The following NFIB variants were observed in gnomAD, a reference collection of about 807,000 sequenced individuals.
The protein encoded by NFIB is nuclear factor I B.
NFIB carries 11 observed loss-of-function variants against 61.5 expected under a neutral mutation model. That is an observed-to-expected ratio of 0.18 (90% CI 0.11 to 0.30). The LOEUF is 0.30. Ranked by LOEUF, NFIB falls within the 10% of genes least tolerant of loss-of-function variation. NFIB has a pLI of 1.00. For synonymous variants in NFIB, 260 were observed against 216.5 expected (o/e 1.20, Z -1.76); for missense variants, 471 against 608.9 (o/e 0.77, Z 2.38).
In NFIB at chr9:14,159,085, T is replaced by TGA. The variant is rs374761833; in HGVS notation, c.617-3194_617-3193dup. On this transcript the variant is annotated intron_variant, in intron 3 of 10. Coordinates refer to ENST00000380953, the MANE Select transcript of NFIB (RefSeq NM_001190737.2). ...ATGACCATTAAGATGGAGTGGGGTGTGAGCCTGTTGGAAGCCAAATCATGA... is the reference window on the plus strand; with the variant it reads ...ATGACCATTAAGATGGAGTGGGGTGTGAGAGCCTGTTGGAAGCCAAATCATGA... 1.6e-3 allele frequency among the ~76,000 whole-genome samples: 244 copies of TGA among 152,304 alleles called. 3 individuals are homozygous for TGA. Among genetic ancestry groups the TGA allele is most frequent in the African/African-American group, 5.6e-3 (232 of 41,564 alleles).
intron 1 of NFIB, among the ~76,000 whole-genome samples, chr9:14,324,200 A>C (rs1193111938): frequency 6.6e-6 from 1 of 152,190 alleles, no homozygotes; most frequent in Non-Finnish European, 1.5e-5. Flanking sequence ...CACTCAGTTC[A>C]AGTGGGTAAC....
At chr9:14,356,754 A>C (rs2061180478) in intron 1 of NFIB, among the ~76,000 whole-genome samples, 1 of 152,164 alleles carries the variant, frequency 6.6e-6, no homozygotes, top group South Asian at 2.1e-4. Context: ...TGAGCACTTA[A>C]TTATGAATAA....
At chr9:14,416,851 T>G in the NFIB span, among the ~76,000 whole-genome samples, 1 of 151,066 alleles carries the variant, frequency 6.6e-6, no homozygotes, top group Non-Finnish European at 1.5e-5. Context: ...TCCTGCAAGC[T>G]CCATTCATGA....
At chr9:14,510,829 T>A in the NFIB span, among the ~76,000 whole-genome samples, 2 of 152,194 alleles carry the variant, frequency 1.3e-5, no homozygotes, top group African/African-American at 4.8e-5. Context: ...TGTGTTTTTT[T>A]ATGTTCTTAG....
At position 14,237,842 on chromosome 9, in the gene NFIB, A is replaced by AGTGTGTGTGTGTGTGTGT. The variant is rs200054648; in HGVS notation, c.563-58080_563-58063dup. On this transcript the variant is annotated intron_variant, in intron 2 of 10. Transcript: ENST00000380953. ...AGCTCCTCACCCTGCTAGGTATAACAGTGTGTGTGTGTGTGTGTGTGTGTG... is the reference window on the plus strand; with the variant it reads ...AGCTCCTCACCCTGCTAGGTATAACAGTGTGTGTGTGTGTGTGTGTGTGTGTGTGTGTGTGTGTGTGTG... Among the ~76,000 whole-genome samples the AGTGTGTGTGTGTGTGTGT allele has an allele frequency of 1.5e-3, 77 of 52,536 alleles. 9 individuals are homozygous for AGTGTGTGTGTGTGTGTGT. Among genetic ancestry groups the AGTGTGTGTGTGTGTGTGT allele is most frequent in the Non-Finnish European group, 1.6e-3 (46 of 28,590 alleles). The allele number at this position is 52,536 out of a possible 152,430, so 34.5% of individuals were successfully genotyped here. A position where few individuals can be genotyped will look rare whatever the true frequency, so the allele number is the denominator to read the frequency against.
chr9:14,366,768 G>T (rs1448799408), intron 1 of NFIB, among the ~76,000 whole-genome samples: 2 of 152,180 alleles, frequency 1.3e-5, no homozygotes, highest in Non-Finnish European at 2.9e-5. Context: ...ACAGGCATGA[G>T]CCACCGTGCC....
At chr9:14,201,348 T>C (rs968895188) in intron 2 of NFIB, among the ~76,000 whole-genome samples, 3 of 152,092 alleles carry the variant, frequency 2.0e-5, no homozygotes, top group Non-Finnish European at 2.9e-5. Context: ...ACCATCACCC[T>C]TTACCCTCCC....
At chr9:14,131,605 AT>A (rs1255446612) in intron 6 of NFIB, among the ~76,000 whole-genome samples, 1 of 152,220 alleles carries the variant, frequency 6.6e-6, no homozygotes. Context: ...CAAGGCAACA[AT>A]TTTGATCAAT....
rs182489432 is a variant in NFIB at position 14,182,202 on chromosome 9, G to C, written c.563-2422C>G. Among the ~76,000 whole-genome samples the C allele has an allele frequency of 3.9e-5, 6 of 152,254 alleles. No individual in the cohort carries two copies. The East Asian group carries it at 1.2e-3, about 29-fold the overall frequency. On this transcript the variant is annotated intron_variant, in intron 2 of 10. Transcript: ENST00000380953. ...CTTACTAAAAAAACCACAAGCATTTGAGGGAAAGCTGAAGTAGACCCTAAA... is the reference window on the plus strand; with the variant it reads ...CTTACTAAAAAAACCACAAGCATTTCAGGGAAAGCTGAAGTAGACCCTAAA...
At chr9:14,175,107 T>A (rs2046016304) in intron 3 of NFIB, among the ~76,000 whole-genome samples, 1 of 151,758 alleles carries the variant, frequency 6.6e-6, no homozygotes, top group Non-Finnish European at 1.5e-5. Context: ...TTGATTTCAG[T>A]ATCTATAAAA....
chr9:14,128,670 C>A (rs1202187236), intron 6 of NFIB, among the ~76,000 whole-genome samples: 2 of 149,308 alleles, frequency 1.3e-5, no homozygotes, highest in Admixed American at 6.7e-5. Context: ...TGCACTCCAG[C>A]CGCGACAAGA....
rs2038819942 is a variant in NFIB at position 14,120,774 on chromosome 9, C to G, written c.1061-150G>C. On this transcript the variant is annotated intron_variant, in intron 7 of 10. Coordinates refer to ENST00000380953, the MANE Select transcript of NFIB (RefSeq NM_001190737.2). The surrounding 1 kb of genome is among the most constrained non-coding windows in gnomAD (Gnocchi z 4.4). ...CCAAGCTCTCCTAAATCAACAGTTA[C>G]TTTTTCATTTTTATTCTCAACACCA... 6.7e-6 allele frequency: 5 copies of G among 751,798 alleles called. No individual in the cohort carries two copies. The highest frequency in any genetic ancestry group is 1.0e-5 in the Non-Finnish European group (5 of 477,824). 46.6% of individuals were successfully genotyped at this position (751,798 alleles called of 1,614,324 possible).
At chr9:14,241,586 C>T (rs779834800) in intron 2 of NFIB, among the ~76,000 whole-genome samples, 4 of 151,872 alleles carry the variant, frequency 2.6e-5, no homozygotes, top group Non-Finnish European at 5.9e-5. Context: ...TAATTAACAA[C>T]ATATCTCATA....
rs374626775 is a variant in NFIB, at chr9:14,146,810, G to A, written c.807-3C>T. On this transcript the variant is annotated splice_polypyrimidine_tract_variant and splice_region_variant and intron_variant, in intron 5 of 10. Transcript: ENST00000380953. ...TGGATATAGTTTTGGGTCTTTTGCTGTTAAAATATGGCAATAGTTATATTA... is the reference window on the plus strand; with the variant it reads ...TGGATATAGTTTTGGGTCTTTTGCTATTAAAATATGGCAATAGTTATATTA... 4 of 1,603,312 alleles carry A rather than the reference G, an allele frequency of 2.5e-6. No homozygotes were observed. The highest frequency in any genetic ancestry group is 3.4e-6 in the Non-Finnish European group (4 of 1,177,346).
chr9:14,415,443 C>G, the NFIB span, among the ~76,000 whole-genome samples: 1 of 152,154 alleles, frequency 6.6e-6, no homozygotes, highest in Non-Finnish European at 1.5e-5. Flanking sequence ...AATATTCTAT[C>G]AACTAGAAAC....
chr9:14,097,635 CACAT>C (rs766768465), intron 10 of NFIB, among the ~76,000 whole-genome samples: 3 of 152,142 alleles, frequency 2.0e-5, no homozygotes, highest in Non-Finnish European at 4.4e-5. Flanking sequence ...CATACACACA[CACAT>C]ATAGATGCAT....
chr9:14,504,632 T>G, the NFIB span, among the ~76,000 whole-genome samples: 1 of 152,228 alleles, frequency 6.6e-6, no homozygotes, highest in Non-Finnish European at 1.5e-5. Flanking sequence ...ATTCTTAGCT[T>G]GCTCACTGTT....
chr9:14,174,698 C>G (rs2045951043), intron 3 of NFIB, among the ~76,000 whole-genome samples: 2 of 146,182 alleles, frequency 1.4e-5, no homozygotes. Flanking sequence ...ACCCGGGAGG[C>G]AGAGGTTGCA....
chr9:14,477,170 T>C, the NFIB span, among the ~76,000 whole-genome samples: 4 of 152,200 alleles, frequency 2.6e-5, no homozygotes, highest in African/African-American at 9.7e-5. Flanking sequence ...AGGCAGTGTG[T>C]AGGGGATAGC....
Sources: allele counts gnomAD v4.1 joint callset (sites outside exome capture counted in the v4.1 genomes callset), GRCh38; gene constraint gnomAD v4.1.1; non-coding constraint Gnocchi (gnomAD v3.1); transcripts MANE v1.5; gene names NCBI Gene and HGNC (gene_info 2026-07-23, HGNC 2026-07-21).